Variants in PDE10A observed in about 807,000 individuals in gnomAD.
PDE10A encodes phosphodiesterase 10A.
Under a neutral mutation model 97.7 loss-of-function variants are expected in PDE10A, and 39 were observed. The ratio of observed to expected loss-of-function variants is 0.40; its 90% CI spans 0.31 to 0.52. PDE10A has a LOEUF of 0.52. PDE10A is among the 20% of genes least tolerant of loss of function. The probability of loss-of-function intolerance (pLI) is 0.56; values close to 1 mark genes in which losing one functional copy is unlikely to be tolerated. For synonymous variants in PDE10A, 371 were observed against 376.8 expected, an observed-to-expected ratio of 0.98 and a Z score of 0.18; for missense variants, 731 against 1,047.8, an observed-to-expected ratio of 0.70 and a Z score of 4.17.
At chr6:165,614,930 G>A (rs1351920095) in intron 1 of PDE10A, among the ~76,000 whole-genome samples, 3 of 151,994 alleles carry the variant, frequency 2.0e-5, no homozygotes, top group African/African-American at 7.2e-5. Context: ...ATGTAAAATA[G>A]GCCAGGCGCA....
chr6:165,902,710 G>GTGGCGCAGGTGTGGGCACCCA (rs1782148346), intron 1 of PDE10A, among the ~76,000 whole-genome samples: 1 of 152,186 alleles, frequency 6.6e-6, no homozygotes, highest in Non-Finnish European at 1.5e-5. Flanking sequence ...CGCACGGGCT[G>GTGGCGCAGGTGTGGGCACCCA]TTCTTGCCAG....
chr6:165,344,221 A>T (rs1315780007), intron 18 of PDE10A, among the ~76,000 whole-genome samples: 1 of 152,018 alleles, frequency 6.6e-6, no homozygotes, highest in Non-Finnish European at 1.5e-5. Flanking sequence ...ATAATAACTT[A>T]AAAAAAATCA....
chr6:165,827,235 G>T (rs1346557929), intron 1 of PDE10A, among the ~76,000 whole-genome samples: 8 of 152,234 alleles, frequency 5.3e-5, no homozygotes, highest in Non-Finnish European at 1.2e-4. Context: ...CACAGGGAAG[G>T]GTCTAAGCCC....
chr6:165,961,567 T>G (rs1784362399), intron 1 of PDE10A, among the ~76,000 whole-genome samples: 1 of 152,200 alleles, frequency 6.6e-6, no homozygotes, highest in Admixed American at 6.5e-5. Context: ...CCAACAAGCC[T>G]CCACTTACCC....
At chr6:165,959,092 C>T (rs913417483) in intron 1 of PDE10A, among the ~76,000 whole-genome samples, 1 of 152,220 alleles carries the variant, frequency 6.6e-6, no homozygotes, top group East Asian at 1.9e-4. Context: ...TCCTTCTGAA[C>T]ATAGCAGAGT....
chr6:165,347,230 T>A (rs1190153449), intron 18 of PDE10A, among the ~76,000 whole-genome samples: 3 of 152,112 alleles, frequency 2.0e-5, no homozygotes, highest in African/African-American at 7.2e-5. Context: ...TAGTAAACAT[T>A]AAACTAGCCT....
intron 1 of PDE10A, among the ~76,000 whole-genome samples, chr6:165,713,555 G>A (rs1791954589): frequency 6.6e-6 from 1 of 152,198 alleles, no homozygotes. Flanking sequence ...GGCAGCAAGG[G>A]CTTGGGACCA....
chr6:165,965,507 A>G (rs1562331865), intron 1 of PDE10A, among the ~76,000 whole-genome samples: 1 of 152,192 alleles, frequency 6.6e-6, no homozygotes, highest in Non-Finnish European at 1.5e-5. Context: ...GCGAGACTGC[A>G]TTCCAATCTA....
intron 1 of PDE10A, among the ~76,000 whole-genome samples, chr6:165,686,770 G>A (rs922825668): frequency 6.6e-5 from 10 of 152,328 alleles, no homozygotes; most frequent in South Asian, 2.1e-4. Context: ...CTGCGTGACC[G>A]CCTCATTAGC....
intron 1 of PDE10A, among the ~76,000 whole-genome samples, chr6:165,732,813 G>A (rs1427076944): frequency 3.9e-5 from 6 of 152,188 alleles, no homozygotes; most frequent in African/African-American, 7.2e-5. Flanking sequence ...GCTCTTCCCC[G>A]TTAGGATCTC....
intron 2 of PDE10A, among the ~76,000 whole-genome samples, chr6:165,535,200 C>T (rs1005639283): frequency 2.6e-5 from 4 of 151,654 alleles, no homozygotes; most frequent in East Asian, 1.9e-4. Context: ...ACAATACCTA[C>T]AAAAGAAACC....
intron 2 of PDE10A, among the ~76,000 whole-genome samples, chr6:165,501,996 T>C (rs1267850697): frequency 6.6e-6 from 1 of 152,202 alleles, no homozygotes; most frequent in African/African-American, 2.4e-5. Flanking sequence ...CATATGCATA[T>C]ATGTGAATTT....
intron 1 of PDE10A, among the ~76,000 whole-genome samples, chr6:165,596,125 CTG>C (rs1562614489): frequency 1.7e-4 from 26 of 152,062 alleles, no homozygotes; most frequent in African/African-American, 4.8e-4. Flanking sequence ...CTTCCTAAAC[CTG>C]ATGATCCTCC....
At chr6:165,632,886 T>C (rs372538413) in intron 1 of PDE10A, among the ~76,000 whole-genome samples, 1 of 152,216 alleles carries the variant, frequency 6.6e-6, no homozygotes, top group African/African-American at 2.4e-5. Context: ...ACCCAAGAAT[T>C]ACGCAGATTT....
At chr6:165,436,928 T>C (rs1283789246) in intron 5 of PDE10A, among the ~76,000 whole-genome samples, 1 of 151,990 alleles carries the variant, frequency 6.6e-6, no homozygotes, top group Non-Finnish European at 1.5e-5. Context: ...AAAGAATAGA[T>C]AAATGCAAGA....
At chr6:165,340,232 T>A (rs1400151874) in intron 19 of PDE10A, among the ~76,000 whole-genome samples, 1 of 152,236 alleles carries the variant, frequency 6.6e-6, no homozygotes, top group Non-Finnish European at 1.5e-5. Context: ...AGGTAAAACT[T>A]GTACAATCTT....
At chr6:165,547,671 C>T (rs766503008) in intron 1 of PDE10A, among the ~76,000 whole-genome samples, 1 of 152,092 alleles carries the variant, frequency 6.6e-6, no homozygotes, top group Admixed American at 6.6e-5. Flanking sequence ...TGGATAAACA[C>T]CACAGCAGTA....
chr6:165,705,756 C>T (rs564381741), intron 1 of PDE10A, among the ~76,000 whole-genome samples: 50 of 152,126 alleles, frequency 3.3e-4, no homozygotes, highest in Admixed American at 5.2e-4. Flanking sequence ...AAAAAAGATG[C>T]CATGACTTTA....
At position 165,535,293 on chromosome 6, in the gene PDE10A, A is replaced by G. The variant is rs548969482; in HGVS notation, c.994+8147T>C. On this transcript the variant is annotated intron_variant, in intron 2 of 21. Transcript: ENST00000539869. Reference sequence around the variant, plus strand: ...TACACAGATACACTGCACAGTGGTGAGGTCTGGGATTTTAGTGTAGCCATC... The same window carrying G: ...TACACAGATACACTGCACAGTGGTGGGGTCTGGGATTTTAGTGTAGCCATC... Among the ~76,000 whole-genome samples the G allele has an allele frequency of 5.9e-5, 9 of 151,830 alleles. No homozygotes were observed. The East Asian group carries it at 1.4e-3, about 23-fold the overall frequency.
Sources: allele counts gnomAD v4.1 joint callset (sites outside exome capture counted in the v4.1 genomes callset), GRCh38; gene constraint gnomAD v4.1.1; transcripts MANE v1.5; gene names NCBI Gene and HGNC (gene_info 2026-07-23, HGNC 2026-07-21).